Variants in GLRA2 observed in about 807,000 individuals in gnomAD.
GLRA2 encodes the protein glycine receptor alpha 2.
GLRA2 carries 11 observed loss-of-function variants against 31.6 expected under a neutral mutation model. That is an observed-to-expected ratio of 0.35 (90% CI 0.22 to 0.58). GLRA2 has a LOEUF of 0.58. Among genes scored for constraint, GLRA2 ranks in the 20% least tolerant of loss-of-function variants. The probability of loss-of-function intolerance (pLI) is 0.84; values close to 1 mark genes in which losing one functional copy is unlikely to be tolerated. For synonymous variants in GLRA2, 132 were observed against 134.0 expected (o/e 0.99, Z 0.10); for missense variants, 212 against 351.8 (o/e 0.60, Z 3.18).
chrX:14,638,834 A>C (rs1402407449), intron 7 of GLRA2, among the ~76,000 whole-genome samples: 1 of 111,833 alleles, frequency 8.9e-6, no homozygotes, highest in Non-Finnish European at 1.9e-5. Context: ...AAATTTACTA[A>C]TATTAAAAGC....
intron 7 of GLRA2, among the ~76,000 whole-genome samples, chrX:14,629,774 A>C (rs985689368): frequency 1.8e-5 from 2 of 111,416 alleles, no homozygotes; most frequent in African/African-American, 3.3e-5. Context: ...TAGGGTTTAT[A>C]GTACATATAT....
intron 8 of GLRA2, among the ~76,000 whole-genome samples, chrX:14,697,448 T>C (rs746524858): frequency 8.9e-6 from 1 of 111,934 alleles, no homozygotes; most frequent in African/African-American, 3.3e-5. Context: ...AGTTCTCACC[T>C]TAACACATGG....
intron 7 of GLRA2, among the ~76,000 whole-genome samples, chrX:14,681,276 G>C (rs1397346858): frequency 1.8e-5 from 2 of 112,066 alleles, no homozygotes; most frequent in Admixed American, 9.5e-5. Context: ...GTGGGTAACA[G>C]TATATCATTC....
At chrX:14,706,139 T>C (rs1404335440) in intron 8 of GLRA2, among the ~76,000 whole-genome samples, 1 of 87,254 alleles carries the variant, frequency 1.1e-5, no homozygotes, top group African/African-American at 4.0e-5. Context: ...TCCCAGGTGG[T>C]TGCAATGTGA....
rs1258788612 is a variant in GLRA2, at chrX:14,715,880, G to A, written c.1081-14327G>A. 3.6e-5 allele frequency among the ~76,000 whole-genome samples: 4 copies of A among 111,710 alleles called. 1 individual carries two copies. Among genetic ancestry groups the A allele is most frequent in the South Asian group, 7.5e-4 (2 of 2,650 alleles). Reference sequence around the variant, plus strand: ...CTTGAAATGGAAGCAATGGTCCAACGGCATCTATTCCACTAAAGTAGAAGG... The same window carrying A: ...CTTGAAATGGAAGCAATGGTCCAACAGCATCTATTCCACTAAAGTAGAAGG... On this transcript the variant is annotated intron_variant, in intron 8 of 8. Coordinates refer to ENST00000218075, the MANE Select transcript of GLRA2 (RefSeq NM_002063.4).
intron 7 of GLRA2, among the ~76,000 whole-genome samples, chrX:14,623,220 A>G (rs771813249): frequency 2.7e-5 from 3 of 111,970 alleles, no homozygotes; most frequent in Non-Finnish European, 5.6e-5. Flanking sequence ...ACTTTGCTGA[A>G]GTTGCTTATC....
intron 7 of GLRA2, among the ~76,000 whole-genome samples, chrX:14,632,243 T>A (rs2090658420): frequency 9.0e-6 from 1 of 110,763 alleles, no homozygotes; most frequent in Admixed American, 9.7e-5. Context: ...AATTTTTTAG[T>A]TGATTCAGGA....
intron 4 of GLRA2, among the ~76,000 whole-genome samples, chrX:14,603,971 G>A (rs750963914): frequency 1.6e-4 from 18 of 110,836 alleles, no homozygotes; most frequent in South Asian, 3.9e-4. Context: ...GGACATTGGC[G>A]TGGGTAAGAG....
At chrX:14,476,648 T>C in the GLRA2 span, among the ~76,000 whole-genome samples, 5 of 111,599 alleles carry the variant, frequency 4.5e-5, no homozygotes, top group Non-Finnish European at 9.4e-5. Context: ...GGAAAAGAAA[T>C]GTGTATTGTG....
chrX:14,507,383 G>A, the GLRA2 span, among the ~76,000 whole-genome samples: 1 of 111,576 alleles, frequency 9.0e-6, no homozygotes, highest in Admixed American at 9.6e-5. Context: ...AGATCGTTGT[G>A]AACGTTAAAT....
At chrX:14,532,477 A>G (rs1023241860) in intron 2 of GLRA2, 105 bp downstream of exon 2, 4 of 473,754 alleles carry the variant, frequency 8.4e-6, no homozygotes, top group Non-Finnish European at 1.3e-5. Flanking sequence ...AATGAAAATG[A>G]CAAGTATAGT....
At chrX:14,638,640 C>T (rs768203421) in intron 7 of GLRA2, among the ~76,000 whole-genome samples, 19 of 110,673 alleles carry the variant, frequency 1.7e-4, no homozygotes, top group Non-Finnish European at 3.2e-4. Context: ...TAATTGCAAA[C>T]ACAAAAAGCT....
chrX:14,706,335 C>T (rs931342835), intron 8 of GLRA2, among the ~76,000 whole-genome samples: 5 of 111,916 alleles, frequency 4.5e-5, no homozygotes, highest in African/African-American at 1.6e-4. Context: ...TAGAATATAT[C>T]GCAGAGAGTC....
At chrX:14,590,905 G>T (rs2090138494) in intron 4 of GLRA2, among the ~76,000 whole-genome samples, 1 of 111,902 alleles carries the variant, frequency 8.9e-6, no homozygotes, top group African/African-American at 3.3e-5. Flanking sequence ...GGCGAGCAAG[G>T]TCGGGAGGGT....
At chrX:14,472,098 C>A in the GLRA2 span, among the ~76,000 whole-genome samples, 1 of 112,104 alleles carries the variant, frequency 8.9e-6, no homozygotes, top group African/African-American at 3.2e-5. Flanking sequence ...CCTCACCTAA[C>A]GTAAATTTTT....
intron 2 of GLRA2, among the ~76,000 whole-genome samples, chrX:14,543,098 C>T (rs1036554347): frequency 4.6e-5 from 5 of 108,136 alleles, no homozygotes; most frequent in Middle Eastern, 4.3e-3. Context: ...TATTGTTTTA[C>T]GAAATGAAGG....
intron 7 of GLRA2, among the ~76,000 whole-genome samples, chrX:14,644,125 CACCAATCTTGCTGG>C (rs1384192456): frequency 9.0e-6 from 1 of 111,648 alleles, no homozygotes; most frequent in Admixed American, 9.5e-5. Flanking sequence ...CATGATGTGC[CACCAATCTTGCTGG>C]ATTTTCTCTA....
At chrX:14,473,491 T>C in the GLRA2 span, among the ~76,000 whole-genome samples, 1 of 112,125 alleles carries the variant, frequency 8.9e-6, no homozygotes, top group African/African-American at 3.2e-5. Flanking sequence ...ATTCTGGTGG[T>C]TTTGCATGCT....
At chrX:14,695,366 G>T (rs2091430783) in intron 8 of GLRA2, among the ~76,000 whole-genome samples, 1 of 111,893 alleles carries the variant, frequency 8.9e-6, no homozygotes, top group Non-Finnish European at 1.9e-5. Flanking sequence ...GAAGATAAAA[G>T]AATGCATTTG....
Sources: gnomAD v4.1 joint callset for allele counts (sites outside exome capture counted in the v4.1 genomes callset) on GRCh38, gnomAD v4.1.1 for gene constraint, MANE v1.5 for transcripts, NCBI Gene and HGNC (gene_info 2026-07-23, HGNC 2026-07-21) for gene names.